The following ACOT7 variants were observed in gnomAD, a reference collection of about 807,000 sequenced individuals.
The protein encoded by ACOT7 is cytosolic acyl coenzyme A thioester hydrolase.
Under a neutral mutation model 40.2 loss-of-function variants are expected in ACOT7, and 12 were observed. The ratio of observed to expected loss-of-function variants is 0.30; its 90% confidence interval spans 0.19 to 0.48. ACOT7 has a LOEUF of 0.48. Ranked by LOEUF, ACOT7 falls within the 20% of genes least tolerant of loss-of-function variation. The pLI, the probability that ACOT7 is intolerant of heterozygous loss-of-function variation, is 0.99. For missense variants in ACOT7, 395 were observed against 530.8 expected, an observed-to-expected ratio of 0.74 and a Z score of 2.51; for synonymous variants, 228 against 219.5, an observed-to-expected ratio of 1.04 and a Z score of -0.34.
chr1:6,318,549 TGG>T lies in ACOT7; in HGVS notation c.653_654del (p.Ser218Ter). On this transcript the variant is annotated frameshift_variant, in exon 6 of 9. Coordinates refer to ENST00000361521, the MANE Select transcript of ACOT7 (RefSeq NM_007274.4). LOFTEE classifies it high-confidence loss of function. ...PEPNTVSYSQSSLIHLVGPSD... is the reference protein window; with the variant it reads ...PEPNTVSYSQXSLIHLVGPSD... ...GAAGGCCCCACCAGGTGGATCAAGCTGGACTGGCTGTAGCTGACAGTGTTCGG... is the reference window on the plus strand; with the variant it reads ...GAAGGCCCCACCAGGTGGATCAAGCTACTGGCTGTAGCTGACAGTGTTCGG... 1.2e-6 allele frequency: 2 copies of T among 1,614,172 alleles called. No individual in the cohort carries two copies. The highest frequency in any genetic ancestry group is 1.7e-6 in the Non-Finnish European group (2 of 1,179,996).
chr1:6,329,131 C>T (rs1204612883), intron 4 of ACOT7, among the ~76,000 whole-genome samples: 1 of 152,274 alleles, frequency 6.6e-6, no homozygotes, highest in East Asian at 1.9e-4. Flanking sequence ...CTGTGTTAGG[C>T]CTTCTTTCAA....
intron 5 of ACOT7, among the ~76,000 whole-genome samples, chr1:6,320,143 G>A (rs7539126): frequency 0.064 from 9,797 of 152,248 alleles, 424 homozygotes; most frequent in African/African-American, 0.12. Flanking sequence ...AACCAGAGAT[G>A]GTGAAAGCAA....
chr1:6,327,112 T>C (rs1207722907), intron 5 of ACOT7, among the ~76,000 whole-genome samples, 187 bp downstream of exon 5: 3 of 151,736 alleles, frequency 2.0e-5, no homozygotes, highest in Non-Finnish European at 2.9e-5. Flanking sequence ...ACTGGAGGGG[T>C]CTACATGGCT....
chr1:6,285,725 A>G (rs1373442510), intron 7 of ACOT7, among the ~76,000 whole-genome samples: 1 of 152,200 alleles, frequency 6.6e-6, no homozygotes, highest in Non-Finnish European at 1.5e-5. Flanking sequence ...GCAGGGCCCG[A>G]CAAGCACTGC....
rs567702395 is a variant in ACOT7, at chr1:6,327,230, G to A, written c.625+69C>T. ...TCAAGCATGAGGCTCACGTAGGCCC[G>A]GCCTGCTCCTGCCTCCTATGCGTCC... On this transcript the variant is annotated intron_variant, in intron 5 of 8. Transcript: ENST00000361521. 141 of 1,499,798 alleles carry A rather than the reference G, an allele frequency of 9.4e-5. No homozygotes were observed. In the African/African-American group the frequency reaches 1.6e-3, roughly 17 times the overall value. The allele number at this position is 1,499,798 out of a possible 1,614,324, so 92.9% of individuals were successfully genotyped here.
At chr1:6,340,511 C>T (rs1401317245) in intron 2 of ACOT7, among the ~76,000 whole-genome samples, 1 of 152,246 alleles carries the variant, frequency 6.6e-6, no homozygotes, top group Non-Finnish European at 1.5e-5. Context: ...CGTCACTCCT[C>T]CCATTCAAAG....
At chr1:6,382,787 A>G (rs1642362717) in intron 1 of ACOT7, among the ~76,000 whole-genome samples, 1 of 151,902 alleles carries the variant, frequency 6.6e-6, no homozygotes, top group Non-Finnish European at 1.5e-5. Flanking sequence ...CCCAGAAGAC[A>G]GAGTAACACC....
chr1:6,351,548 G>A (rs918272440), intron 1 of ACOT7, among the ~76,000 whole-genome samples: 2 of 152,224 alleles, frequency 1.3e-5, no homozygotes, highest in Non-Finnish European at 2.9e-5. Flanking sequence ...CGCACCAGCT[G>A]CAGCGGGCAG....
At chr1:6,365,030 A>T (rs967774632) in intron 1 of ACOT7, among the ~76,000 whole-genome samples, 5 of 152,162 alleles carry the variant, frequency 3.3e-5, no homozygotes, top group Non-Finnish European at 7.3e-5. Context: ...TCTCAAAAAA[A>T]AAAAGGAAAG....
chr1:6,368,700 T>A (rs558642737), intron 1 of ACOT7, among the ~76,000 whole-genome samples: 2 of 152,214 alleles, frequency 1.3e-5, no homozygotes, highest in African/African-American at 2.4e-5. Context: ...TGAGCCAGGG[T>A]CTGGAGCGGC....
intron 6 of ACOT7, among the ~76,000 whole-genome samples, chr1:6,297,425 C>T (rs1639839390): frequency 6.6e-6 from 1 of 152,174 alleles, no homozygotes; most frequent in African/African-American, 2.4e-5. Flanking sequence ...TGTACAGTCA[C>T]GTTTAGGGTG....
intron 4 of ACOT7, 107 bp downstream of exon 4, chr1:6,333,370 C>A: frequency 7.8e-7 from 1 of 1,287,122 alleles, no homozygotes; most frequent in Non-Finnish European, 1.1e-6. Flanking sequence ...CTAGCTCTGG[C>A]CTGTTGCTCC....
rs556620355 is a variant in ACOT7 at position 6,383,371 on chromosome 1, T to G, written c.143+9886A>C. The stretch of plus-strand genomic sequence containing the variant: ...CCTGGCTAATTTTTTGTATTTTTAG[T>G]AGAGACGGGGTTTCACCTTGTTAGC... On this transcript the variant is annotated intron_variant, in intron 1 of 8. Coordinates refer to ENST00000361521, the MANE Select transcript of ACOT7 (RefSeq NM_007274.4). 7.3e-5 allele frequency among the ~76,000 whole-genome samples: 11 copies of G among 151,026 alleles called. No individual in the cohort carries two copies. In the East Asian group the frequency reaches 2.0e-3, roughly 27 times the overall value.
intron 2 of ACOT7, among the ~76,000 whole-genome samples, chr1:6,342,553 C>G (rs1383212125): frequency 6.6e-6 from 1 of 152,252 alleles, no homozygotes; most frequent in African/African-American, 2.4e-5. Flanking sequence ...CAGCCTCAAA[C>G]TCCTCCTGGG....
intron 8 of ACOT7, 52 bp from the exon 9 acceptor site, chr1:6,264,747 C>A: frequency 6.3e-7 from 1 of 1,583,614 alleles, no homozygotes; most frequent in South Asian, 1.1e-5. Flanking sequence ...AGAACCAGTG[C>A]CGTGGCCTTG....
At chr1:6,315,490 G>A (rs1029255603) in intron 6 of ACOT7, among the ~76,000 whole-genome samples, 7 of 152,134 alleles carry the variant, frequency 4.6e-5, no homozygotes, top group African/African-American at 1.7e-4. Context: ...GGTGGCTCAT[G>A]CCTGTAATCC....
rs1038802979 is a variant in ACOT7 at position 6,267,119 on chromosome 1, G to A, written c.1015-2424C>T. Among the ~76,000 whole-genome samples, 4 of 152,200 alleles carry A rather than the reference G, an allele frequency of 2.6e-5. No homozygotes were observed. In the East Asian group the frequency reaches 7.7e-4, roughly 29 times the overall value. On this transcript the variant is annotated intron_variant, in intron 8 of 8. Transcript: ENST00000361521. ...AGAATCCTTGAAAGCAGGAGAGAGC[G>A]AGCCTGGCCCAGGAAAGGCAGCTGG...
chr1:6,325,354 C>T (rs908554722), intron 5 of ACOT7, among the ~76,000 whole-genome samples: 2 of 151,164 alleles, frequency 1.3e-5, no homozygotes, highest in African/African-American at 2.4e-5. Context: ...GCTGAGATCG[C>T]GCCACTGCAC....
At chr1:6,349,017 C>T (rs1055271000) in intron 2 of ACOT7, among the ~76,000 whole-genome samples, 2 of 152,226 alleles carry the variant, frequency 1.3e-5, no homozygotes, top group East Asian at 3.8e-4. Context: ...AGTGCAGAGG[C>T]TGCAGCTGCG....
Sources: allele counts gnomAD v4.1 joint callset (sites outside exome capture counted in the v4.1 genomes callset), GRCh38; gene constraint gnomAD v4.1.1; transcripts MANE v1.5; gene names NCBI Gene and HGNC (gene_info 2026-07-23, HGNC 2026-07-21).